The following CDH2 variants were observed in gnomAD, a reference collection of about 807,000 sequenced individuals.
The protein encoded by CDH2 is cadherin-2.
A neutral mutation model predicts 92.0 loss-of-function variants in CDH2; 17 were observed. The observed-to-expected ratio is 0.18, with a 90% confidence interval of 0.13 to 0.28. The LOEUF (loss-of-function observed/expected upper bound fraction) is 0.28, where lower values mean the gene tolerates loss of function less well. Among genes scored for constraint, CDH2 ranks in the 10% least tolerant of loss-of-function variants. CDH2 has a pLI of 1.00. For missense variants in CDH2, 862 were observed against 1,133.1 expected, an observed-to-expected ratio of 0.76 and a Z score of 3.44; for synonymous variants, 419 against 415.9, an observed-to-expected ratio of 1.01 and a Z score of -0.09.
At chr18:28,080,847 T>TG (rs2014815284) in intron 2 of CDH2, among the ~76,000 whole-genome samples, 2 of 152,182 alleles carry the variant, frequency 1.3e-5, no homozygotes, top group Admixed American at 6.6e-5. Context: ...AAAAGGCCCA[T>TG]GCCTCTGCTT....
chr18:28,094,126 C>T (rs1439326072), intron 2 of CDH2, among the ~76,000 whole-genome samples: 1 of 152,116 alleles, frequency 6.6e-6, no homozygotes, highest in Non-Finnish European at 1.5e-5. Context: ...TTAAAAGAAA[C>T]CCCAGTTAGC....
At chr18:28,113,495 TG>T (rs17494732) in intron 2 of CDH2, among the ~76,000 whole-genome samples, 31,336 of 147,666 alleles carry the variant, frequency 0.21, 4,046 homozygotes, top group Non-Finnish European at 0.3. Context: ...AAAAAGATGA[TG>T]AAAAAAAGAA....
intron 1 of CDH2, among the ~76,000 whole-genome samples, chr18:28,172,159 G>C (rs2016475249): frequency 6.6e-6 from 1 of 151,972 alleles, no homozygotes; most frequent in South Asian, 2.1e-4. Flanking sequence ...GGAAGCAGAT[G>C]AGGAAGTGCA....
rs540047548 is a variant in CDH2 at position 28,168,031 on chromosome 18, G to A, written c.60+8932C>T. Among the ~76,000 whole-genome samples the A allele has an allele frequency of 1.4e-4, 21 of 152,270 alleles. 1 individual carries two copies. The South Asian group carries it at 4.3e-3, about 32-fold the overall frequency. On this transcript the variant is annotated intron_variant, in intron 1 of 15. Coordinates refer to ENST00000269141, the MANE Select transcript of CDH2 (RefSeq NM_001792.5). Reference sequence around the variant, plus strand: ...GAAAAATAATAACAAAGTGGTCACAGTTTCGAGTTTATTAAAGATTTATGT... The same window carrying A: ...GAAAAATAATAACAAAGTGGTCACAATTTCGAGTTTATTAAAGATTTATGT...
chr18:27,990,025 G>GA, intron 10 of CDH2, 72 bp downstream of exon 10: 1 of 1,305,440 alleles, frequency 7.7e-7, no homozygotes, highest in Non-Finnish European at 1.1e-6. Context: ...CTCAAATAGT[G>GA]AATTAGATAA....
chr18:28,058,592 T>A (rs1409765552), intron 2 of CDH2, among the ~76,000 whole-genome samples: 1 of 152,198 alleles, frequency 6.6e-6, no homozygotes, highest in Non-Finnish European at 1.5e-5. Flanking sequence ...GTGACTTTTA[T>A]CCCTCTTAAT....
intron 2 of CDH2, among the ~76,000 whole-genome samples, chr18:28,140,613 C>T (rs1228922112): frequency 6.6e-6 from 1 of 151,842 alleles, no homozygotes; most frequent in Non-Finnish European, 1.5e-5. Flanking sequence ...TCACCAGACA[C>T]TGAATCTGCA....
intron 14 of CDH2, among the ~76,000 whole-genome samples, chr18:27,968,419 A>AG (rs559829075): frequency 6.6e-6 from 1 of 152,176 alleles, no homozygotes; most frequent in African/African-American, 2.4e-5. Context: ...GAAGTGCTGG[A>AG]GGGGGGAGTT....
At position 27,951,893 on chromosome 18, in the gene CDH2, T is replaced by A. The variant is rs1657291700; in HGVS notation, c.*260A>T. 2.2e-6 allele frequency: 1 copy of A among 448,954 alleles called. No individual in the cohort carries two copies. The highest frequency in any genetic ancestry group is 2.0e-5 in the African/African-American group (1 of 50,920). 27.8% of individuals were successfully genotyped at this position (448,954 alleles called of 1,614,324 possible). A position where few individuals can be genotyped will look rare whatever the true frequency, so the allele number is the denominator to read the frequency against. On this transcript the variant is annotated 3_prime_UTR_variant, in exon 16 of 16. Transcript: ENST00000269141. ...CTTAAACAGAAAACTAATTCCAATCTGAAAAAGGTACAAAAAGGCACATAA... is the reference window on the plus strand; with the variant it reads ...CTTAAACAGAAAACTAATTCCAATCAGAAAAAGGTACAAAAAGGCACATAA...
At chr18:28,171,173 T>C (rs778048828) in intron 1 of CDH2, among the ~76,000 whole-genome samples, 4 of 151,196 alleles carry the variant, frequency 2.6e-5, no homozygotes, top group Admixed American at 6.6e-5. Flanking sequence ...GAGGATGTAG[T>C]TGAGCCAAGA....
At chr18:27,994,675 C>T (rs1467596969) in intron 7 of CDH2, among the ~76,000 whole-genome samples, 1 of 152,040 alleles carries the variant, frequency 6.6e-6, no homozygotes, top group African/African-American at 2.4e-5. Flanking sequence ...TGCAGTTTTC[C>T]CTGTTTCTAA....
intron 5 of CDH2, among the ~76,000 whole-genome samples, chr18:28,007,995 A>G (rs2012989214): frequency 6.6e-6 from 1 of 152,092 alleles, no homozygotes; most frequent in Admixed American, 6.5e-5. Flanking sequence ...TGGCCTCCCA[A>G]ATTGCTAGGA....
chr18:28,118,057 CA>C (rs2015525015), intron 2 of CDH2, among the ~76,000 whole-genome samples: 1 of 151,612 alleles, frequency 6.6e-6, no homozygotes, highest in South Asian at 2.1e-4. Context: ...ACCCTCCCAT[CA>C]AGTTTAGGGC....
intron 2 of CDH2, among the ~76,000 whole-genome samples, chr18:28,119,508 T>G (rs1042673769): frequency 3.3e-5 from 5 of 152,088 alleles, no homozygotes; most frequent in Admixed American, 6.6e-5. Context: ...TTTTGCAAAT[T>G]TAGATGTTTT....
At chr18:28,125,404 G>A (rs1391927254) in intron 2 of CDH2, among the ~76,000 whole-genome samples, 2 of 151,912 alleles carry the variant, frequency 1.3e-5, no homozygotes, top group Non-Finnish European at 2.9e-5. Flanking sequence ...GATAGGAGAT[G>A]GAATGGAGTA....
chr18:28,157,982 C>T (rs956406306), intron 1 of CDH2, among the ~76,000 whole-genome samples: 30 of 152,130 alleles, frequency 2.0e-4, no homozygotes, highest in African/African-American at 7.2e-4. Context: ...CTATAATGAA[C>T]TCTTTATACA....
chr18:28,177,092 G>A lies in CDH2; in HGVS notation c.-70C>T, dbSNP rs2016560819. ...GGCGGCGGCGGCGGCGGAGGAGGAG[G>A]AGGCAGCGGCAGCACCAACAGCGGC... On this transcript the variant is annotated 5_prime_UTR_variant, in exon 1 of 16. Transcript: ENST00000269141. 14 of 1,246,516 alleles carry A rather than the reference G, an allele frequency of 1.1e-5. No homozygotes were observed. The highest frequency in any genetic ancestry group is 1.5e-5 in the Non-Finnish European group (14 of 909,562). 77.2% of individuals were successfully genotyped at this position (1,246,516 alleles called of 1,614,324 possible).
In CDH2 at chr18:27,951,776, C is replaced by A; in HGVS notation, c.*377G>T. On this transcript the variant is annotated 3_prime_UTR_variant, in exon 16 of 16. Coordinates refer to ENST00000269141, the MANE Select transcript of CDH2 (RefSeq NM_001792.5). ...AAAAGCAAATGCAATGTAACAAAAGCGTGTTGAAGCATATCATGGTTTAAC... is the reference window on the plus strand; with the variant it reads ...AAAAGCAAATGCAATGTAACAAAAGAGTGTTGAAGCATATCATGGTTTAAC... 1 of 169,090 alleles carries A rather than the reference C, an allele frequency of 5.9e-6. No individual in the cohort carries two copies. Among genetic ancestry groups the A allele is most frequent in the Admixed American group, 5.8e-5 (1 of 17,160 alleles). 10.5% of individuals were successfully genotyped at this position (169,090 alleles called of 1,614,324 possible).
chr18:28,074,983 A>C (rs896975711), intron 2 of CDH2, among the ~76,000 whole-genome samples: 1 of 152,200 alleles, frequency 6.6e-6, no homozygotes, highest in African/African-American at 2.4e-5. Context: ...TCTTTGACTC[A>C]AATTAGCCAC....
Sources: allele counts gnomAD v4.1 joint callset (sites outside exome capture counted in the v4.1 genomes callset), GRCh38; gene constraint gnomAD v4.1.1; transcripts MANE v1.5; gene names NCBI Gene and HGNC (gene_info 2026-07-23, HGNC 2026-07-21).